ACACA: variants seen among roughly 807,000 people sequenced by gnomAD.
ACACA encodes acetyl-CoA carboxylase alpha, also known as acetyl-CoA carboxylase 1.
A neutral mutation model predicts 296.1 loss-of-function variants in ACACA; 103 were observed. The observed-to-expected ratio is 0.35, with a 90% CI of 0.30 to 0.41. The LOEUF (loss-of-function observed/expected upper bound fraction) is 0.41, where lower values mean the gene tolerates loss of function less well. ACACA is among the 10% of genes least tolerant of loss of function. ACACA has a pLI of 1.00. For synonymous variants in ACACA, 953 were observed against 1,038.6 expected, an observed-to-expected ratio of 0.92 and a Z score of 1.58; for missense variants, 1,554 against 2,989.7, an observed-to-expected ratio of 0.52 and a Z score of 11.20.
chr17:37,091,683 G>A lies in ACACA; in HGVS notation c.6892-2609C>T, dbSNP rs370491231. ...CAGCCCGAAACTCCTGGGCTCACGT[G>A]ATTCTCCTGCATCGGCATCCTGAAT... On this transcript the variant is annotated intron_variant, in intron 54 of 55. Coordinates refer to ENST00000616317, the MANE Select transcript of ACACA (RefSeq NM_198834.3). Among the ~76,000 whole-genome samples, 6 of 152,100 alleles carry A rather than the reference G, an allele frequency of 3.9e-5. No individual in the cohort carries two copies. In the East Asian group the frequency reaches 1.2e-3, roughly 30 times the overall value.
chr17:37,383,871 T>C (rs2050412232), intron 1 of ACACA, among the ~76,000 whole-genome samples: 1 of 152,192 alleles, frequency 6.6e-6, no homozygotes, highest in African/African-American at 2.4e-5. Flanking sequence ...AATTTATGTA[T>C]GAACTTTTGA....
At chr17:37,239,211 TGAC>T (rs1439166149) in intron 24 of ACACA, among the ~76,000 whole-genome samples, 2 of 152,224 alleles carry the variant, frequency 1.3e-5, no homozygotes, top group East Asian at 3.8e-4. Context: ...TTTTGTATGT[TGAC>T]TTTTGTATTT....
intron 5 of ACACA, 149 bp from the exon 6 acceptor site, chr17:37,278,154 C>T (rs1478138903): frequency 2.9e-5 from 20 of 696,728 alleles, no homozygotes; most frequent in South Asian, 1.7e-4. Context: ...CCATTTAGTT[C>T]GAGGCTCTTA....
At position 37,245,359 on chromosome 17, in the gene ACACA, G is replaced by C. The variant is rs1199220709; in HGVS notation, c.2461-145C>G. On this transcript the variant is annotated intron_variant, in intron 19 of 55. Coordinates refer to ENST00000616317, the MANE Select transcript of ACACA (RefSeq NM_198834.3). Reference sequence around the variant, plus strand: ...AATGGGAATTTACCATCATCTCCTAGGGACTATCAAGGCAAGCAATTAGAA... The same window carrying C: ...AATGGGAATTTACCATCATCTCCTACGGACTATCAAGGCAAGCAATTAGAA... The C allele has an allele frequency of 3.9e-5, 29 of 752,314 alleles. No individual in the cohort carries two copies. The Admixed American group carries it at 6.5e-4, about 17-fold the overall frequency. The allele number at this position is 752,314 out of a possible 1,614,324, so 46.6% of individuals were successfully genotyped here. A position where few individuals can be genotyped will look rare whatever the true frequency, so the allele number is the denominator to read the frequency against.
rs2080912211 is a variant in ACACA, at chr17:37,250,103, T to C, written c.2082-1429A>G. Among the ~76,000 whole-genome samples, 3 of 152,254 alleles carry C rather than the reference T, an allele frequency of 2.0e-5. No individual in the cohort carries two copies. The South Asian group carries it at 6.2e-4, about 32-fold the overall frequency. On this transcript the variant is annotated intron_variant, in intron 16 of 55. Coordinates refer to ENST00000616317, the MANE Select transcript of ACACA (RefSeq NM_198834.3). ...GACTCAATTAAACTTCTTTCCTTTA[T>C]AAATTAGCCAGTCTTGGGAATGTCT...
chr17:37,211,486 T>C (rs1396381465), intron 29 of ACACA, among the ~76,000 whole-genome samples: 1 of 152,242 alleles, frequency 6.6e-6, no homozygotes, highest in African/African-American at 2.4e-5. Flanking sequence ...GGCAAAGTTA[T>C]ACTTACCACC....
chr17:37,195,965 C>T (rs1426445014), intron 35 of ACACA, among the ~76,000 whole-genome samples: 1 of 152,068 alleles, frequency 6.6e-6, no homozygotes, highest in Non-Finnish European at 1.5e-5. Context: ...CAACGTTTCA[C>T]AGGAAGAAAT....
At chr17:37,091,522 G>A (rs750919530) in intron 54 of ACACA, among the ~76,000 whole-genome samples, 5 of 152,150 alleles carry the variant, frequency 3.3e-5, no homozygotes, top group Non-Finnish European at 7.3e-5. Context: ...ACTGTTGTGG[G>A]ATAATTTGCT....
intron 1 of ACACA, among the ~76,000 whole-genome samples, chr17:37,361,031 C>G (rs2049384192): frequency 6.6e-6 from 1 of 150,996 alleles, no homozygotes. Context: ...GAATTCTTTC[C>G]CCAGGATTCT....
chr17:37,143,714 T>A, intron 45 of ACACA: 2 of 910,892 alleles, frequency 2.2e-6, no homozygotes, highest in Non-Finnish European at 1.8e-6. Context: ...ATCTTCCTCC[T>A]CCTCATCCTC....
intron 45 of ACACA, among the ~76,000 whole-genome samples, chr17:37,135,889 TAAG>T (rs2075309965): frequency 6.6e-6 from 1 of 151,712 alleles, no homozygotes; most frequent in Non-Finnish European, 1.5e-5. Context: ...AGATTTCTGA[TAAG>T]TTAATTCCAA....
rs571957095 is a variant in ACACA, at chr17:37,363,914, G to C, written c.39-24064C>G. ...GAGGCGGGTGGATCACCTGAGATCA[G>C]GAGTTCAAGACTAGCCTGGCCAATA... On this transcript the variant is annotated intron_variant, in intron 1 of 55. Transcript: ENST00000616317. Among the ~76,000 whole-genome samples the C allele has an allele frequency of 7.9e-5, 12 of 152,218 alleles. No individual in the cohort carries two copies. In the South Asian group the frequency reaches 1.7e-3, roughly 21 times the overall value.
chr17:37,387,853 A>G (rs1249211594), intron 1 of ACACA: 1 of 152,102 alleles, frequency 6.6e-6, no homozygotes, highest in Non-Finnish European at 1.5e-5. Flanking sequence ...GAAAAATGTG[A>G]TATTAGTAAT....
At chr17:37,110,030 G>A (rs571348459) in intron 52 of ACACA, among the ~76,000 whole-genome samples, 92 of 151,012 alleles carry the variant, frequency 6.1e-4, no homozygotes, top group Non-Finnish European at 1.1e-3. Flanking sequence ...GAAGAAGACC[G>A]ACTTTGACAA....
At chr17:37,347,756 AAAAGAAAGAAAG>A (rs1009204757) in intron 1 of ACACA, among the ~76,000 whole-genome samples, 1 of 148,520 alleles carries the variant, frequency 6.7e-6, no homozygotes, top group African/African-American at 2.6e-5. Flanking sequence ...AAAAAAAAAA[AAAAGAAAGAAAG>A]AAAAAAAATT....
intron 14 of ACACA, 81 bp from the exon 15 acceptor site, chr17:37,253,117 C>T: frequency 6.3e-7 from 1 of 1,597,404 alleles, no homozygotes; most frequent in Non-Finnish European, 8.6e-7. Context: ...TTTGGCCAGG[C>T]ATGGTGGCTC....
Position 37,240,511 on chromosome 17 carries a change from C to T in ACACA, c.3086G>A (p.Arg1029Gln), listed in dbSNP as rs2080340856. 1.9e-6 allele frequency: 3 copies of T among 1,613,670 alleles called. No homozygotes were observed. Among genetic ancestry groups the T allele is most frequent in the African/African-American group, 1.3e-5 (1 of 74,904 alleles). The stretch of plus-strand genomic sequence containing the variant: ...TTGTGTCTCTACTCGCAGGTACTGC[C>T]GGAGCAGATCCATCACCACAGCCTT... Reference protein sequence around the residue: ...HMKAVVMDLLRQYLRVETQFQ... With the variant: ...HMKAVVMDLLQQYLRVETQFQ... The change falls in exon 24 of 56, where the codon CGG becomes CAG. Residue 1029 changes from arginine to glutamine, a missense_variant. Around this residue, in one of 16 missense-constraint regions of ACACA, gnomAD observed 316 missense variants for 540.9 expected, o/e 0.58. Transcript: ENST00000616317.
rs758416789 is a variant in ACACA, at chr17:37,344,358, G to A, written c.39-4508C>T. On this transcript the variant is annotated intron_variant, in intron 1 of 55. Transcript: ENST00000616317. ...TGATTGCTTGAGGTCAGGAGTTCGA[G>A]ACCAGCCTGGCCAACATGGTGAAAC... Among the ~76,000 whole-genome samples the A allele has an allele frequency of 2.0e-5, 3 of 151,814 alleles. No homozygotes were observed. In the East Asian group the frequency reaches 5.8e-4, roughly 30 times the overall value.
At chr17:37,252,620 C>T (rs1430738410) in intron 15 of ACACA, among the ~76,000 whole-genome samples, 1 of 152,170 alleles carries the variant, frequency 6.6e-6, no homozygotes, top group Non-Finnish European at 1.5e-5. Flanking sequence ...CCAGGTTTAA[C>T]ATTAAATGAA....
Sources: allele counts gnomAD v4.1 joint callset (sites outside exome capture counted in the v4.1 genomes callset), GRCh38; gene constraint gnomAD v4.1.1; regional missense constraint gnomAD v4.1.1; transcripts MANE v1.5; gene names NCBI Gene and HGNC (gene_info 2026-07-23, HGNC 2026-07-21).